Variants in ACTR3B observed in about 807,000 individuals in gnomAD.
ACTR3B encodes actin-related protein 3B.
ACTR3B carries 8 observed loss-of-function variants against 59.0 expected under a neutral mutation model. The observed-to-expected ratio is 0.14, with a 90% CI of 0.08 to 0.24. The LOEUF is 0.24. Ranked by LOEUF, ACTR3B falls within the 10% of genes least tolerant of loss-of-function variation. The pLI, the probability that ACTR3B is intolerant of heterozygous loss-of-function variation, is 1.00. For missense variants in ACTR3B, 245 were observed against 552.3 expected (o/e 0.44, Z 5.58); for synonymous variants, 148 against 197.9 (o/e 0.75, Z 2.12).
chr7:152,823,624 C>T (rs1204516549), intron 8 of ACTR3B, 109 bp downstream of exon 8: 52 of 1,322,198 alleles, frequency 3.9e-5, no homozygotes, highest in Non-Finnish European at 5.4e-5. Flanking sequence ...GGGTGGCCGT[C>T]ATTCGGTCTC....
At chr7:152,783,414 C>T (rs1424095138) in intron 2 of ACTR3B, among the ~76,000 whole-genome samples, 172 bp downstream of exon 2, 2 of 152,150 alleles carry the variant, frequency 1.3e-5, no homozygotes, top group Non-Finnish European at 2.9e-5. Context: ...GATAAAGCCC[C>T]TTGTCACTGT....
intron 4 of ACTR3B, among the ~76,000 whole-genome samples, chr7:152,809,678 G>A (rs2098263651): frequency 6.6e-6 from 1 of 151,950 alleles, no homozygotes; most frequent in Non-Finnish European, 1.5e-5. Context: ...GAGTAGCTAG[G>A]ACTACAGGTA....
rs982373407 is a variant in ACTR3B at position 152,769,749 on chromosome 7, C to G, written c.44+9823C>G. Reference sequence around the variant, plus strand: ...GACTGTATTTTTGTCTAATTGTTATCATTATATATAGTCCTTTTATTTGTG... The same window carrying G: ...GACTGTATTTTTGTCTAATTGTTATGATTATATATAGTCCTTTTATTTGTG... On this transcript the variant is annotated intron_variant, in intron 1 of 11. Transcript: ENST00000256001. 7.3e-5 allele frequency among the ~76,000 whole-genome samples: 11 copies of G among 151,546 alleles called. 1 individual carries two copies. In the Middle Eastern group the frequency reaches 0.014, roughly 189 times the overall value.
chr7:152,825,411 A>G (rs915248393), intron 9 of ACTR3B, among the ~76,000 whole-genome samples: 3 of 152,148 alleles, frequency 2.0e-5, no homozygotes, highest in Non-Finnish European at 4.4e-5. Context: ...TCCTGGGTTC[A>G]AGCAATTCTC....
At chr7:152,770,000 C>T (rs893862456) in intron 1 of ACTR3B, among the ~76,000 whole-genome samples, 7 of 152,000 alleles carry the variant, frequency 4.6e-5, no homozygotes, top group African/African-American at 1.7e-4. Context: ...CCATAAATTA[C>T]TATACTCTTT....
At chr7:152,809,449 T>A (rs995385104) in intron 4 of ACTR3B, among the ~76,000 whole-genome samples, 2 of 152,206 alleles carry the variant, frequency 1.3e-5, no homozygotes, top group Non-Finnish European at 2.9e-5. Flanking sequence ...GAAGCCGCCC[T>A]TACCCGTTCT....
In ACTR3B at chr7:152,853,574, G is replaced by A. The variant is rs565566838; in HGVS notation, c.1158G>A (p.Ser386=). 6.8e-6 allele frequency: 11 copies of A among 1,613,182 alleles called. No individual in the cohort carries two copies. Among genetic ancestry groups the A allele is most frequent in the African/African-American group, 5.3e-5 (4 of 74,990 alleles). ...GGTTCGGAGGCTCCATGCTGGCCTCGACTGTAAGTCCCTCTCTCGAGGGCT... is the reference window on the plus strand; with the variant it reads ...GGTTCGGAGGCTCCATGCTGGCCTCAACTGTAAGTCCCTCTCTCGAGGGCT... The part of the protein sequence containing the change: ...AVWFGGSMLA[S]TPEFFQVCHT... The change falls in exon 11 of 12, where the codon TCG becomes TCA. Residue 386 remains serine, a synonymous_variant. Transcript: ENST00000256001.
intron 6 of ACTR3B, among the ~76,000 whole-genome samples, chr7:152,818,611 T>A (rs1236748960): frequency 6.6e-6 from 1 of 152,204 alleles, no homozygotes. Flanking sequence ...CCACCATGCC[T>A]GACTAATTTG....
chr7:152,783,785 G>A (rs1053487886), intron 2 of ACTR3B, among the ~76,000 whole-genome samples: 2 of 151,516 alleles, frequency 1.3e-5, no homozygotes, highest in African/African-American at 4.8e-5. Context: ...GAGGTTAGTC[G>A]GTTGTTAAAG....
At chr7:152,770,942 T>A (rs2098122451) in intron 1 of ACTR3B, among the ~76,000 whole-genome samples, 1 of 149,170 alleles carries the variant, frequency 6.7e-6, no homozygotes, top group Non-Finnish European at 1.5e-5. Context: ...AAAGAGTACT[T>A]CAGTAATTAG....
chr7:152,836,737 T>G (rs3892348), intron 9 of ACTR3B, among the ~76,000 whole-genome samples: 180 of 152,374 alleles, frequency 1.2e-3, no homozygotes, highest in Non-Finnish European at 1.6e-3. Context: ...AGAGCTTTCT[T>G]TCAGACTGCT....
At chr7:152,788,620 C>T (rs1266761087) in intron 2 of ACTR3B, among the ~76,000 whole-genome samples, 10 of 151,980 alleles carry the variant, frequency 6.6e-5, no homozygotes, top group Non-Finnish European at 1.2e-4. Context: ...ACTATGTTGG[C>T]CAGGCTGGTC....
intron 2 of ACTR3B, among the ~76,000 whole-genome samples, chr7:152,789,210 T>G (rs2098186385): frequency 6.6e-6 from 1 of 151,144 alleles, no homozygotes; most frequent in Admixed American, 6.6e-5. Context: ...GGCAACATAG[T>G]GAGAACCTGT....
intron 1 of ACTR3B, among the ~76,000 whole-genome samples, chr7:152,777,678 T>C (rs137916877): frequency 2.0e-5 from 3 of 151,816 alleles, no homozygotes; most frequent in African/African-American, 4.9e-5. Flanking sequence ...AAATTTGCCA[T>C]GCGCGGTGGC....
intron 9 of ACTR3B, among the ~76,000 whole-genome samples, chr7:152,831,401 C>A (rs1232581809): frequency 6.6e-6 from 1 of 152,244 alleles, no homozygotes; most frequent in East Asian, 1.9e-4. Context: ...GGTGGGCCTC[C>A]GTGTGGACAG....
chr7:152,770,317 G>C (rs2098120911), intron 1 of ACTR3B, among the ~76,000 whole-genome samples: 1 of 152,202 alleles, frequency 6.6e-6, no homozygotes, highest in South Asian at 2.1e-4. Context: ...CTGGTTGCAG[G>C]TGTCTAAGCA....
intron 6 of ACTR3B, among the ~76,000 whole-genome samples, chr7:152,817,589 A>G (rs1313217659): frequency 6.6e-6 from 1 of 151,988 alleles, no homozygotes; most frequent in Admixed American, 6.6e-5. Flanking sequence ...GTGTCTGAAG[A>G]GGGTATTCAG....
At chr7:152,845,453 C>T (rs1314819959) in intron 9 of ACTR3B, among the ~76,000 whole-genome samples, 3 of 152,236 alleles carry the variant, frequency 2.0e-5, no homozygotes, top group African/African-American at 7.2e-5. Flanking sequence ...TCTGTGGCCA[C>T]GCTGATGGTG....
intron 2 of ACTR3B, among the ~76,000 whole-genome samples, chr7:152,799,478 C>T (rs2098227739): frequency 6.6e-6 from 1 of 152,180 alleles, no homozygotes. Flanking sequence ...CAAAAGGAAA[C>T]ACTTAGCAGA....
Sources: gnomAD v4.1 joint callset for allele counts (sites outside exome capture counted in the v4.1 genomes callset) on GRCh38, gnomAD v4.1.1 for gene constraint, MANE v1.5 for transcripts, NCBI Gene and HGNC (gene_info 2026-07-23, HGNC 2026-07-21) for gene names.